Variants in LRRTM4 observed in about 807,000 individuals in gnomAD.
LRRTM4 encodes the protein leucine-rich repeat transmembrane neuronal protein 4.
LRRTM4 carries 25 observed loss-of-function variants against 47.6 expected under a neutral mutation model. The ratio of observed to expected loss-of-function variants is 0.53; its 90% CI spans 0.38 to 0.73. The LOEUF is 0.73. Ranked by LOEUF, LRRTM4 falls within the 30% of genes least tolerant of loss-of-function variation. The probability of loss-of-function intolerance (pLI) is 0.00; values close to 1 mark genes in which losing one functional copy is unlikely to be tolerated. For missense variants in LRRTM4, 638 were observed against 713.4 expected, an observed-to-expected ratio of 0.89 and a Z score of 1.20; for synonymous variants, 311 against 269.5, an observed-to-expected ratio of 1.15 and a Z score of -1.51.
intron 3 of LRRTM4, among the ~76,000 whole-genome samples, chr2:77,458,980 C>T (rs1425627872): frequency 6.6e-6 from 1 of 151,768 alleles, no homozygotes; most frequent in African/African-American, 2.4e-5. Flanking sequence ...CTTCTGATAC[C>T]ACATTGTCTT....
chr2:77,455,650 C>A (rs912279778), intron 3 of LRRTM4, among the ~76,000 whole-genome samples: 8 of 152,010 alleles, frequency 5.3e-5, no homozygotes, highest in Admixed American at 3.3e-4. Context: ...TGCTACTGGT[C>A]ACTCTCTCTC....
chr2:77,241,657 A>G (rs951919216), intron 3 of LRRTM4, among the ~76,000 whole-genome samples: 5 of 152,146 alleles, frequency 3.3e-5, no homozygotes, highest in African/African-American at 2.4e-5. Flanking sequence ...TTGAATATAC[A>G]TAATTACAAG....
At chr2:77,285,356 A>ATATATATATATATG (rs1676625197) in intron 3 of LRRTM4, among the ~76,000 whole-genome samples, 1 of 142,898 alleles carries the variant, frequency 7.0e-6, no homozygotes, top group South Asian at 2.2e-4. Flanking sequence ...ATATATATAT[A>ATATATATATATATG]TATATATGGC....
At chr2:77,165,341 A>C (rs917858682) in intron 3 of LRRTM4, among the ~76,000 whole-genome samples, 7 of 152,282 alleles carry the variant, frequency 4.6e-5, no homozygotes, top group Non-Finnish European at 1.0e-4. Flanking sequence ...AACCAAAAAA[A>C]GTCCAGGACC....
At chr2:77,178,147 TTTAA>T (rs1337535203) in intron 3 of LRRTM4, among the ~76,000 whole-genome samples, 1 of 152,184 alleles carries the variant, frequency 6.6e-6, no homozygotes, top group Non-Finnish European at 1.5e-5. Flanking sequence ...TATTTTCTTA[TTTAA>T]TTGTTAATCT....
chr2:77,451,076 C>A (rs1676236922), intron 3 of LRRTM4, among the ~76,000 whole-genome samples: 1 of 152,068 alleles, frequency 6.6e-6, no homozygotes, highest in Non-Finnish European at 1.5e-5. Context: ...AGTATCATAT[C>A]CACATTTTAA....
intron 3 of LRRTM4, among the ~76,000 whole-genome samples, chr2:77,030,751 T>A (rs1395996674): frequency 6.6e-6 from 1 of 152,228 alleles, no homozygotes; most frequent in African/African-American, 2.4e-5. Context: ...AGTAATATCC[T>A]GAAAGATGAT....
intron 3 of LRRTM4, among the ~76,000 whole-genome samples, chr2:77,016,342 C>T (rs1055298519): frequency 5.3e-5 from 8 of 149,676 alleles, no homozygotes; most frequent in South Asian, 2.1e-4. Flanking sequence ...GCCCAGATCG[C>T]GCCACTGTGT....
intron 3 of LRRTM4, among the ~76,000 whole-genome samples, chr2:76,872,814 A>G (rs894369808): frequency 1.3e-5 from 2 of 152,018 alleles, no homozygotes; most frequent in African/African-American, 4.8e-5. Context: ...TTGCAGTAAT[A>G]ATGAGTTATT....
chr2:77,219,928 C>T (rs1674570605), intron 3 of LRRTM4, among the ~76,000 whole-genome samples: 1 of 152,244 alleles, frequency 6.6e-6, no homozygotes, highest in South Asian at 2.1e-4. Flanking sequence ...TCCCTGACCC[C>T]CGAGTAGCCT....
intron 3 of LRRTM4, among the ~76,000 whole-genome samples, chr2:77,426,017 G>A (rs1675089821): frequency 6.6e-6 from 1 of 151,668 alleles, no homozygotes; most frequent in African/African-American, 2.4e-5. Context: ...TCAGGAGACT[G>A]AGGCAGGAGA....
intron 3 of LRRTM4, among the ~76,000 whole-genome samples, chr2:77,246,022 G>C (rs1239714099): frequency 6.6e-6 from 1 of 152,130 alleles, no homozygotes; most frequent in African/African-American, 2.4e-5. Flanking sequence ...TAAATCCTTA[G>C]CTGAGTTACT....
At chr2:77,480,518 T>C (rs1250173958) in intron 3 of LRRTM4, among the ~76,000 whole-genome samples, 1 of 152,150 alleles carries the variant, frequency 6.6e-6, no homozygotes, top group Non-Finnish European at 1.5e-5. Flanking sequence ...GAACACTTGT[T>C]CAACTCGGCA....
chr2:77,167,840 T>C (rs897913514), intron 3 of LRRTM4, among the ~76,000 whole-genome samples: 9 of 152,026 alleles, frequency 5.9e-5, no homozygotes, highest in African/African-American at 1.7e-4. Flanking sequence ...TTAGGAGATA[T>C]ACCTAATGTA....
intron 3 of LRRTM4, among the ~76,000 whole-genome samples, chr2:77,219,351 A>G (rs1674552375): frequency 6.6e-6 from 1 of 152,176 alleles, no homozygotes; most frequent in African/African-American, 2.4e-5. Flanking sequence ...ATTATTGACC[A>G]AAGAGTACAG....
intron 3 of LRRTM4, among the ~76,000 whole-genome samples, chr2:76,830,323 TTTTC>T (rs1337467481): frequency 6.6e-6 from 1 of 152,014 alleles, no homozygotes; most frequent in African/African-American, 2.4e-5. Context: ...ACTATATGCC[TTTTC>T]TTTAAATATC....
intron 3 of LRRTM4, among the ~76,000 whole-genome samples, chr2:77,141,559 A>G (rs143886107): frequency 6.6e-6 from 1 of 152,180 alleles, no homozygotes; most frequent in African/African-American, 2.4e-5. Context: ...AACATGGCGC[A>G]TGTGTACATA....
intron 3 of LRRTM4, among the ~76,000 whole-genome samples, chr2:77,153,591 T>C (rs1672484334): frequency 6.6e-6 from 1 of 152,128 alleles, no homozygotes; most frequent in Non-Finnish European, 1.5e-5. Flanking sequence ...AAAAGCTGAG[T>C]TTTTATTTCA....
At chr2:77,471,333 C>T (rs1410592373) in intron 3 of LRRTM4, among the ~76,000 whole-genome samples, 1 of 152,092 alleles carries the variant, frequency 6.6e-6, no homozygotes, top group Non-Finnish European at 1.5e-5. Flanking sequence ...GACTACTAAC[C>T]ATCCTGGCTC....
Sources: gnomAD v4.1 joint callset for allele counts (sites outside exome capture counted in the v4.1 genomes callset) on GRCh38, gnomAD v4.1.1 for gene constraint, MANE v1.5 for transcripts, NCBI Gene and HGNC (gene_info 2026-07-23, HGNC 2026-07-21) for gene names.